ZC3HAV1: variants seen among roughly 807,000 people sequenced by gnomAD.
The protein encoded by ZC3HAV1 is zinc finger CCCH-type containing, antiviral 1, also known as zinc finger CCCH-type antiviral protein 1.
A neutral mutation model predicts 86.6 loss-of-function variants in ZC3HAV1; 41 were observed. The ratio of observed to expected loss-of-function variants is 0.47; its 90% CI spans 0.37 to 0.61. The LOEUF (loss-of-function observed/expected upper bound fraction) is 0.61, where lower values mean the gene tolerates loss of function less well. Ranked by LOEUF, ZC3HAV1 falls within the 20% of genes least tolerant of loss-of-function variation. The pLI is 0.00. For synonymous variants in ZC3HAV1, 421 were observed against 432.1 expected (o/e 0.97, Z 0.32); for missense variants, 964 against 1,141.1 (o/e 0.84, Z 2.24).
At chr7:139,094,961 A>G (rs998960019) in intron 1 of ZC3HAV1, among the ~76,000 whole-genome samples, 22 of 151,992 alleles carry the variant, frequency 1.4e-4, no homozygotes, top group African/African-American at 5.1e-4. Flanking sequence ...TCAGACCAAA[A>G]AGAGACAGTA....
chr7:139,089,759 C>T lies in ZC3HAV1; in HGVS notation c.309G>A (p.Arg103=). The change falls in exon 2 of 13, where the codon CGG becomes CGA. Residue 103 remains arginine (R), a splice_region_variant and synonymous_variant. Coordinates refer to ENST00000242351, the MANE Select transcript of ZC3HAV1 (RefSeq NM_020119.4). The part of the protein sequence containing the change: ...LGRCNYSQSE[R]NLCKYSHEVL... The stretch of plus-strand genomic sequence containing the variant: ...CCTCATGAGAATATTTGCATAAATT[C>T]CTGGAAGAAAACACGACAATGGTCA... 1 of 1,606,064 alleles carries T rather than the reference C, an allele frequency of 6.2e-7. No individual in the cohort carries two copies. Among genetic ancestry groups the T allele is most frequent in the Non-Finnish European group, 8.5e-7 (1 of 1,177,668 alleles).
At chr7:139,073,789 C>T in intron 7 of ZC3HAV1, 67 bp downstream of exon 7, 11 of 1,488,466 alleles carry the variant, frequency 7.4e-6, no homozygotes, top group Non-Finnish European at 9.9e-6. Flanking sequence ...CCGTGCCCAG[C>T]CAACAGTGTT....
At chr7:139,076,841 G>A (rs529852198) in intron 5 of ZC3HAV1, among the ~76,000 whole-genome samples, 5 of 151,486 alleles carry the variant, frequency 3.3e-5, no homozygotes, top group African/African-American at 4.9e-5. Context: ...GCGGTGAGCC[G>A]AGATCACCCC....
At position 139,079,671 on chromosome 7, in the gene ZC3HAV1, G is replaced by C; in HGVS notation, c.1270C>G (p.Pro424Ala). Residue 424 changes from proline (P) to alanine (A), a missense_variant, in exon 4 of 13, where the codon CCT becomes GCT. Transcript: ENST00000242351. Reference protein sequence around the residue: ...NGKSGTQDIQPGPLFNNNADG... With the variant: ...NGKSGTQDIQAGPLFNNNADG... ...GCATTATTATTAAAAAGAGGGCCAGGCTGGATGTCCTGAGTTCCACTTTTG... is the reference window on the plus strand; with the variant it reads ...GCATTATTATTAAAAAGAGGGCCAGCCTGGATGTCCTGAGTTCCACTTTTG... 1 of 1,614,170 alleles carries C rather than the reference G, an allele frequency of 6.2e-7. No individual in the cohort carries two copies. Among genetic ancestry groups the C allele is most frequent in the Non-Finnish European group, 8.5e-7 (1 of 1,180,034 alleles).
chr7:139,057,602 G>A (rs1401873937), intron 9 of ZC3HAV1, among the ~76,000 whole-genome samples: 1 of 20,802 alleles, frequency 4.8e-5, no homozygotes, highest in African/African-American at 3.0e-4. Flanking sequence ...GCAGTGGCGC[G>A]ATCTCGGCTC....
intron 1 of ZC3HAV1, among the ~76,000 whole-genome samples, chr7:139,105,051 AAAG>A (rs1365208317): frequency 2.0e-5 from 3 of 151,020 alleles, no homozygotes; most frequent in African/African-American, 7.3e-5. Flanking sequence ...AAAAAAAAAA[AAAG>A]AAAAGAAAAG....
At chr7:139,063,838 C>T (rs542504360) in intron 8 of ZC3HAV1, among the ~76,000 whole-genome samples, 2 of 151,978 alleles carry the variant, frequency 1.3e-5, no homozygotes, top group East Asian at 1.9e-4. Flanking sequence ...AGATACGCCA[C>T]TGAAATTTAA....
chr7:139,100,155 C>G (rs557073122), intron 1 of ZC3HAV1, among the ~76,000 whole-genome samples: 175 of 151,996 alleles, frequency 1.2e-3, no homozygotes, highest in African/African-American at 3.9e-3. Flanking sequence ...GAAGCAACTA[C>G]TAAGATGCCA....
intron 3 of ZC3HAV1, among the ~76,000 whole-genome samples, chr7:139,081,872 C>T (rs1668268479): frequency 6.6e-6 from 1 of 152,214 alleles, no homozygotes; most frequent in Non-Finnish European, 1.5e-5. Flanking sequence ...ATCCTAGAAT[C>T]ATGTATTCTA....
intron 3 of ZC3HAV1, among the ~76,000 whole-genome samples, chr7:139,082,167 A>C (rs11978671): frequency 0.053 from 8,011 of 152,168 alleles, 236 homozygotes; most frequent in Admixed American, 0.066. Flanking sequence ...TGGGAGACTG[A>C]AGCAGAAGAA....
chr7:139,066,846 ACT>A (rs1215161261), intron 7 of ZC3HAV1, among the ~76,000 whole-genome samples: 3 of 152,044 alleles, frequency 2.0e-5, no homozygotes, highest in East Asian at 3.9e-4. Flanking sequence ...TGTAAAACCC[ACT>A]CTGTTCCTGG....
chr7:139,091,596 G>A (rs1817437469), intron 1 of ZC3HAV1, among the ~76,000 whole-genome samples: 1 of 152,088 alleles, frequency 6.6e-6, no homozygotes, highest in Non-Finnish European at 1.5e-5. Flanking sequence ...TTGTTCTGAC[G>A]GCCATTAGCC....
At chr7:139,060,696 ATCC>A in intron 9 of ZC3HAV1, 1 of 1,091,482 alleles carries the variant, frequency 9.2e-7, no homozygotes, top group Non-Finnish European at 1.1e-6. Context: ...AAAAAAAAGA[ATCC>A]ACAGCAAAAC....
intron 10 of ZC3HAV1, among the ~76,000 whole-genome samples, chr7:139,054,880 C>G (rs991718877): frequency 3.9e-5 from 6 of 152,142 alleles, no homozygotes; most frequent in Admixed American, 1.3e-4. Flanking sequence ...CTCCGCCTCC[C>G]GGGTACAGGC....
Position 139,097,429 on chromosome 7 carries a change from T to TA in ZC3HAV1, c.309-7671_309-7670insT, listed in dbSNP as rs1491244234. On this transcript the variant is annotated intron_variant, in intron 1 of 12. Coordinates refer to ENST00000242351, the MANE Select transcript of ZC3HAV1 (RefSeq NM_020119.4). ...ATATATATATATATATATATATATATTTTTTTTTTTTTTTTTTTTCTTTGA... is the reference window on the plus strand; with the variant it reads ...ATATATATATATATATATATATATATATTTTTTTTTTTTTTTTTTTCTTTGA... Among the ~76,000 whole-genome samples, 450 of 56,692 alleles carry TA rather than the reference T, an allele frequency of 7.9e-3. 1 individual carries two copies. The highest frequency in any genetic ancestry group is 0.018 in the African/African-American group (162 of 9,090). 37.2% of individuals were successfully genotyped at this position (56,692 alleles called of 152,430 possible).
At chr7:139,104,719 C>CAT (rs1491468243) in intron 1 of ZC3HAV1, among the ~76,000 whole-genome samples, 1 of 31,778 alleles carries the variant, frequency 3.1e-5, no homozygotes, top group Non-Finnish European at 4.9e-5. Context: ...GAGACTCTGT[C>CAT]ACAAAAAAAA....
chr7:139,055,847 T>G (rs1816267085), intron 9 of ZC3HAV1, among the ~76,000 whole-genome samples: 1 of 152,218 alleles, frequency 6.6e-6, no homozygotes, highest in South Asian at 2.1e-4. Flanking sequence ...TGGCAATACT[T>G]AATGACATCA....
intron 2 of ZC3HAV1, among the ~76,000 whole-genome samples, chr7:139,089,406 C>A (rs12667708): frequency 0.055 from 8,352 of 152,186 alleles, 252 homozygotes; most frequent in Admixed American, 0.067. Flanking sequence ...GGTTCCCTTG[C>A]AGCCCAGTGG....
At chr7:139,077,296 TGCAATGGC>T (rs1398379511) in intron 5 of ZC3HAV1, among the ~76,000 whole-genome samples, 3 of 152,218 alleles carry the variant, frequency 2.0e-5, no homozygotes, top group Non-Finnish European at 4.4e-5. Context: ...CAGGCTGGAG[TGCAATGGC>T]GCAGTCTTGG....
Sources: allele counts gnomAD v4.1 joint callset (sites outside exome capture counted in the v4.1 genomes callset), GRCh38; gene constraint gnomAD v4.1.1; transcripts MANE v1.5; gene names NCBI Gene and HGNC (gene_info 2026-07-23, HGNC 2026-07-21).